The following CADPS2 variants were observed in gnomAD, a reference collection of about 807,000 sequenced individuals.
The protein encoded by CADPS2 is calcium-dependent secretion activator 2.
CADPS2 carries 93 observed loss-of-function variants against 172.5 expected under a neutral mutation model. That is an observed-to-expected ratio of 0.54 (90% confidence interval 0.46 to 0.64). The LOEUF is 0.64. Among genes scored for constraint, CADPS2 ranks in the 30% least tolerant of loss-of-function variants. The pLI is 0.00. For synonymous variants in CADPS2, 546 were observed against 555.2 expected, an observed-to-expected ratio of 0.98 and a Z score of 0.23; for missense variants, 1,420 against 1,565.9, an observed-to-expected ratio of 0.91 and a Z score of 1.57.
At chr7:122,354,181 A>T (rs1057427640) in intron 27 of CADPS2, 3 of 152,196 alleles carry the variant, frequency 2.0e-5, no homozygotes, top group African/African-American at 7.2e-5. Flanking sequence ...CAATGTAGAT[A>T]CTAGATTTTA....
intron 25 of CADPS2, among the ~76,000 whole-genome samples, chr7:122,374,595 G>GA (rs1156818113): frequency 2.0e-5 from 3 of 151,838 alleles, no homozygotes; most frequent in Admixed American, 6.6e-5. Flanking sequence ...TAAAGTTGCA[G>GA]AAAAAAAATC....
At chr7:122,768,635 T>C (rs550010794) in intron 1 of CADPS2, among the ~76,000 whole-genome samples, 2 of 152,296 alleles carry the variant, frequency 1.3e-5, no homozygotes, top group African/African-American at 2.4e-5. Flanking sequence ...TGTAGAGATA[T>C]AAAATTCATG....
At chr7:122,583,873 A>G (rs1417479565) in intron 6 of CADPS2, among the ~76,000 whole-genome samples, 2 of 151,178 alleles carry the variant, frequency 1.3e-5, no homozygotes, top group Non-Finnish European at 3.0e-5. Flanking sequence ...TATATAACAT[A>G]TGTGTATATA....
intron 9 of CADPS2, among the ~76,000 whole-genome samples, chr7:122,504,556 A>C (rs2059469374): frequency 6.6e-6 from 1 of 150,758 alleles, no homozygotes; most frequent in African/African-American, 2.4e-5. Flanking sequence ...CTTTCTTCCC[A>C]CTCTCAGGGC....
intron 25 of CADPS2, among the ~76,000 whole-genome samples, chr7:122,372,271 T>C (rs934756040): frequency 2.6e-5 from 4 of 152,092 alleles, no homozygotes; most frequent in Non-Finnish European, 5.9e-5. Flanking sequence ...ATCACAAGCA[T>C]AGAGTTAAAG....
intron 1 of CADPS2, among the ~76,000 whole-genome samples, chr7:122,761,834 A>G (rs1029190262): frequency 3.3e-5 from 3 of 90,366 alleles, no homozygotes; most frequent in South Asian, 3.7e-4. Flanking sequence ...ATCTCTACTG[A>G]AAAAAAAAAA....
In CADPS2 at chr7:122,787,165, C is replaced by T. The variant is rs148702141; in HGVS notation, c.340-50097G>A. Among the ~76,000 whole-genome samples the T allele has an allele frequency of 8.1e-3, 1,233 of 152,194 alleles. 10 individuals are homozygous for T. The highest frequency in any genetic ancestry group is 0.014 in the Non-Finnish European group (944 of 68,012). ...GTGCATATCAGCTGAATGATTTGAGCGTAGATATCTAAACACCCTGCACCT... is the reference window on the plus strand; with the variant it reads ...GTGCATATCAGCTGAATGATTTGAGTGTAGATATCTAAACACCCTGCACCT... On this transcript the variant is annotated intron_variant, in intron 1 of 29. Transcript: ENST00000449022.
intron 28 of CADPS2, among the ~76,000 whole-genome samples, chr7:122,344,653 A>C (rs750328384): frequency 2.0e-5 from 3 of 152,250 alleles, no homozygotes; most frequent in Non-Finnish European, 4.4e-5. Flanking sequence ...TTTGTTTAAC[A>C]GTAGAATATC....
chr7:122,661,439 A>G (rs2080517853), intron 3 of CADPS2, among the ~76,000 whole-genome samples: 1 of 152,190 alleles, frequency 6.6e-6, no homozygotes, highest in Non-Finnish European at 1.5e-5. Context: ...ACATGGAAAT[A>G]TATTTTATAA....
At chr7:122,506,304 A>G (rs968756195) in intron 9 of CADPS2, among the ~76,000 whole-genome samples, 3 of 152,204 alleles carry the variant, frequency 2.0e-5, no homozygotes, top group African/African-American at 7.2e-5. Context: ...AGAAACATTC[A>G]ATATCTTTTA....
chr7:122,445,429 TC>T (rs1227990324), intron 15 of CADPS2, among the ~76,000 whole-genome samples: 1 of 152,130 alleles, frequency 6.6e-6, no homozygotes, highest in Non-Finnish European at 1.5e-5. Flanking sequence ...ATCAGGTTGA[TC>T]CCAAAGTATT....
At chr7:122,645,064 GA>G (rs1407561394) in intron 3 of CADPS2, among the ~76,000 whole-genome samples, 3 of 151,566 alleles carry the variant, frequency 2.0e-5, no homozygotes, top group African/African-American at 7.3e-5. Flanking sequence ...TATGTGAACT[GA>G]ACTAAACTAT....
chr7:122,534,046 A>G (rs368234721), intron 8 of CADPS2, among the ~76,000 whole-genome samples: 76 of 152,100 alleles, frequency 5.0e-4, no homozygotes, highest in African/African-American at 1.8e-3. Context: ...CATCACATTC[A>G]ACTCCTTTAT....
Position 122,429,120 on chromosome 7 carries a change from T to C in CADPS2, c.2476+9221A>G, listed in dbSNP as rs192692498. On this transcript the variant is annotated intron_variant, in intron 17 of 29. Transcript: ENST00000449022. ...AAACTTGTATCTGTTATAAACTTGATAGCTTCTCAATACTTTAAGATGTTT... is the reference window on the plus strand; with the variant it reads ...AAACTTGTATCTGTTATAAACTTGACAGCTTCTCAATACTTTAAGATGTTT... 8.5e-5 allele frequency among the ~76,000 whole-genome samples: 13 copies of C among 152,130 alleles called. No homozygotes were observed. The East Asian group carries it at 2.5e-3, about 29-fold the overall frequency.
At chr7:122,435,262 A>G (rs932263790) in intron 17 of CADPS2, among the ~76,000 whole-genome samples, 6 of 152,192 alleles carry the variant, frequency 3.9e-5, no homozygotes, top group Non-Finnish European at 8.8e-5. Context: ...CATTTGAGAA[A>G]GGGTTCATAT....
intron 18 of CADPS2, among the ~76,000 whole-genome samples, chr7:122,414,566 G>C (rs1349726140): frequency 6.6e-6 from 1 of 151,872 alleles, no homozygotes; most frequent in Non-Finnish European, 1.5e-5. Context: ...GAACCTCCTG[G>C]GAATTCATTT....
rs1269052778 is a variant in CADPS2, at chr7:122,329,490, T to C, written c.3613-3909A>G. On this transcript the variant is annotated intron_variant, in intron 28 of 29. Coordinates refer to ENST00000449022, the MANE Select transcript of CADPS2 (RefSeq NM_017954.11). ...AATTTTCTAACAAGGATTAAAGTTG[T>C]TTCTCCGCAGAGCTGGTGAAAAGAG... Among the ~76,000 whole-genome samples, 19 of 152,182 alleles carry C rather than the reference T, an allele frequency of 1.2e-4. 1 individual carries two copies.
chr7:122,383,636 A>G (rs2043276853), intron 24 of CADPS2, among the ~76,000 whole-genome samples: 1 of 151,988 alleles, frequency 6.6e-6, no homozygotes, highest in Non-Finnish European at 1.5e-5. Flanking sequence ...AGGAATCCTT[A>G]CTTCATGAAG....
intron 6 of CADPS2, among the ~76,000 whole-genome samples, chr7:122,600,218 C>T (rs1264703156): frequency 6.6e-6 from 1 of 152,010 alleles, no homozygotes; most frequent in Non-Finnish European, 1.5e-5. Flanking sequence ...AGGAATTAGC[C>T]TCTTTGCAAA....
Sources: gnomAD v4.1 joint callset for allele counts (sites outside exome capture counted in the v4.1 genomes callset) on GRCh38, gnomAD v4.1.1 for gene constraint, MANE v1.5 for transcripts, NCBI Gene and HGNC (gene_info 2026-07-23, HGNC 2026-07-21) for gene names.